IQSEC1: variants seen among roughly 807,000 people sequenced by gnomAD.
IQSEC1 encodes IQ motif and SEC7 domain-containing protein 1.
IQSEC1 carries 31 observed loss-of-function variants against 91.0 expected under a neutral mutation model. That is an observed-to-expected ratio of 0.34 (90% CI 0.26 to 0.46). The LOEUF is 0.46. Among genes scored for constraint, IQSEC1 ranks in the 20% least tolerant of loss-of-function variants. The pLI, the probability that IQSEC1 is intolerant of heterozygous loss-of-function variation, is 1.00. For missense variants in IQSEC1, 1,388 were observed against 1,575.6 expected (o/e 0.88, Z 2.02); for synonymous variants, 699 against 662.6 (o/e 1.05, Z -0.84).
At chr3:13,148,876 C>A (rs542191647) in intron 2 of IQSEC1, among the ~76,000 whole-genome samples, 1 of 152,268 alleles carries the variant, frequency 6.6e-6, no homozygotes, top group Admixed American at 6.5e-5. Flanking sequence ...CAGGGGCTGG[C>A]GAGACCCCCT....
intron 1 of IQSEC1, among the ~76,000 whole-genome samples, chr3:13,276,128 A>G (rs568663074): frequency 1.5e-4 from 17 of 111,572 alleles, no homozygotes; most frequent in African/African-American, 5.5e-4. Flanking sequence ...TTGCTCTGTC[A>G]CTCAGGCTGG....
At chr3:13,270,724 A>C (rs891467579) in intron 1 of IQSEC1, among the ~76,000 whole-genome samples, 3 of 152,252 alleles carry the variant, frequency 2.0e-5, no homozygotes, top group Admixed American at 6.5e-5. Context: ...TAATGGAGGA[A>C]TATAGGAAGA....
intron 9 of IQSEC1, 122 bp downstream of exon 9, chr3:12,913,306 G>T: frequency 9.3e-7 from 1 of 1,078,116 alleles, no homozygotes; most frequent in Non-Finnish European, 1.3e-6. Context: ...AAAGACACCA[G>T]GCAAACCCTC....
At chr3:13,014,058 C>A (rs753622975) in intron 1 of IQSEC1, among the ~76,000 whole-genome samples, 1 of 152,146 alleles carries the variant, frequency 6.6e-6, no homozygotes, top group African/African-American at 2.4e-5. Flanking sequence ...TGAGCCCTGG[C>A]GCCCAACAAA....
At position 12,900,347 on chromosome 3, in the gene IQSEC1, C is replaced by CTAAGGTACTGTCTTCCTATTAG. The variant is rs1694109667; in HGVS notation, c.*614_*635dup. On this transcript the variant is annotated 3_prime_UTR_variant, in exon 14 of 14. Coordinates refer to ENST00000613206, the MANE Select transcript of IQSEC1 (RefSeq NM_001134382.3). The stretch of plus-strand genomic sequence containing the variant: ...TTGGTCTATTGTCTCACACACCCAG[C>CTAAGGTACTGTCTTCCTATTAG]TAAGGTACTGTCTTCCTATTAGGTA... 1.0e-6 allele frequency: 1 copy of CTAAGGTACTGTCTTCCTATTAG among 984,776 alleles called. No homozygotes were observed. Among genetic ancestry groups the CTAAGGTACTGTCTTCCTATTAG allele is most frequent in the Non-Finnish European group, 1.2e-6 (1 of 829,738 alleles). 61.0% of individuals were successfully genotyped at this position (984,776 alleles called of 1,614,324 possible).
intron 1 of IQSEC1, among the ~76,000 whole-genome samples, chr3:13,237,433 G>A (rs1010772343): frequency 6.6e-5 from 10 of 152,214 alleles, no homozygotes; most frequent in Admixed American, 6.5e-4. Flanking sequence ...GTTTCTTCCA[G>A]TGATCTTTAT....
At chr3:13,224,761 C>A (rs1694722719) in intron 1 of IQSEC1, among the ~76,000 whole-genome samples, 1 of 152,256 alleles carries the variant, frequency 6.6e-6, no homozygotes, top group Admixed American at 6.5e-5. Context: ...TTGTCAATCC[C>A]CCCGCCAACT....
chr3:13,064,512 C>T (rs1469829054), intron 1 of IQSEC1, among the ~76,000 whole-genome samples: 2 of 152,182 alleles, frequency 1.3e-5, no homozygotes, highest in Non-Finnish European at 2.9e-5. Context: ...CCTGCCTGGT[C>T]GTGTGACAGC....
At chr3:13,225,884 T>C (rs1029454603) in intron 1 of IQSEC1, among the ~76,000 whole-genome samples, 7 of 151,998 alleles carry the variant, frequency 4.6e-5, no homozygotes, top group Non-Finnish European at 8.8e-5. Context: ...ATCAATTTTT[T>C]TTTTTCTTTT....
intron 1 of IQSEC1, among the ~76,000 whole-genome samples, chr3:13,025,285 G>A (rs538320232): frequency 1.3e-5 from 2 of 152,246 alleles, no homozygotes; most frequent in Admixed American, 6.5e-5. Context: ...GAACTGGCTC[G>A]CCCTCCAACC....
Position 12,983,723 on chromosome 3 carries a change from A to C in IQSEC1, c.24-41858T>G, listed in dbSNP as rs1701583876. On this transcript the variant is annotated intron_variant, in intron 1 of 13. Coordinates refer to ENST00000613206, the MANE Select transcript of IQSEC1 (RefSeq NM_001134382.3). The surrounding 1 kb of genome is among the most constrained non-coding windows in gnomAD (Gnocchi z 4.3). ...ACCTGGGCGATGCTGTTCAGAGGAC[A>C]ATTTCCCTTTCCCTCTCCCCTCTGG... 6.6e-6 allele frequency among the ~76,000 whole-genome samples: 1 copy of C among 152,164 alleles called. No individual in the cohort carries two copies. Among genetic ancestry groups the C allele is most frequent in the African/African-American group, 2.4e-5 (1 of 41,430 alleles).
intron 1 of IQSEC1, among the ~76,000 whole-genome samples, chr3:13,224,003 T>G (rs1004710411): frequency 3.9e-5 from 6 of 152,142 alleles, no homozygotes; most frequent in African/African-American, 1.4e-4. Context: ...GAGTCCTCCC[T>G]CAGCCCCAGA....
In IQSEC1 at chr3:12,900,310, A is replaced by G. The variant is rs903565925; in HGVS notation, c.*673T>C. 5.1e-6 allele frequency: 5 copies of G among 984,750 alleles called. No individual in the cohort carries two copies. In the African/African-American group the frequency reaches 8.7e-5, roughly 17 times the overall value. The allele number at this position is 984,750 out of a possible 1,614,324, so 61.0% of individuals were successfully genotyped here. ...ATATGAAGTATCTGAATTTGTTCCTAGCATTTAGGGTTTGGTCTATTGTCT... is the reference window on the plus strand; with the variant it reads ...ATATGAAGTATCTGAATTTGTTCCTGGCATTTAGGGTTTGGTCTATTGTCT... On this transcript the variant is annotated 3_prime_UTR_variant, in exon 14 of 14. Coordinates refer to ENST00000613206, the MANE Select transcript of IQSEC1 (RefSeq NM_001134382.3).
At chr3:13,037,970 A>G (rs1193495923) in intron 1 of IQSEC1, among the ~76,000 whole-genome samples, 1 of 152,048 alleles carries the variant, frequency 6.6e-6, no homozygotes, top group Non-Finnish European at 1.5e-5. Context: ...AATGCCACTG[A>G]ATTGTACAAT....
At chr3:13,071,158 T>G (rs936593448) in intron 1 of IQSEC1, among the ~76,000 whole-genome samples, 7 of 119,620 alleles carry the variant, frequency 5.9e-5, no homozygotes, top group Non-Finnish European at 9.0e-5. Context: ...TTTTTGTTTT[T>G]TTTTTTTTGT....
Position 12,899,165 on chromosome 3 carries a change from G to C in IQSEC1, c.*1818C>G, listed in dbSNP as rs1693955171. On this transcript the variant is annotated 3_prime_UTR_variant, in exon 14 of 14. Coordinates refer to ENST00000613206, the MANE Select transcript of IQSEC1 (RefSeq NM_001134382.3). ...ATCTCAATGATATGACCGAGGGTGG[G>C]AGGGATGTGAGGAGGGAAATCGGCA... 1 of 582,336 alleles carries C rather than the reference G, an allele frequency of 1.7e-6. No individual in the cohort carries two copies. The highest frequency in any genetic ancestry group is 3.1e-6 in the Non-Finnish European group (1 of 323,850). 36.1% of individuals were successfully genotyped at this position (582,336 alleles called of 1,614,324 possible).
At chr3:13,033,256 C>T (rs1163540662) in intron 1 of IQSEC1, among the ~76,000 whole-genome samples, 8 of 152,282 alleles carry the variant, frequency 5.3e-5, no homozygotes, top group Middle Eastern at 3.4e-3. Flanking sequence ...GACAGGTCCT[C>T]GTACCCACTT....
In IQSEC1 at chr3:13,189,721, G is replaced by A. The variant is rs73031407; in HGVS notation, c.273-25588C>T. ...GCTCCACCCCTGAGCTTCCTGCCTCGCCACTCTACCCTGCTGTTCCCTCTG... is the reference window on the plus strand; with the variant it reads ...GCTCCACCCCTGAGCTTCCTGCCTCACCACTCTACCCTGCTGTTCCCTCTG... On this transcript the variant is annotated intron_variant, in intron 1 of 15. Transcript: ENST00000648114. Among the ~76,000 whole-genome samples the A allele has an allele frequency of 8.8e-3, 1,340 of 152,162 alleles. 16 individuals are homozygous for A. The highest frequency in any genetic ancestry group is 0.015 in the Non-Finnish European group (1,044 of 68,006).
Position 12,903,353 on chromosome 3 carries a change from C to T in IQSEC1, c.2756-531G>A, listed in dbSNP as rs373955458. ...AGCACTGAGGGTGAAGAGGAAACAA[C>T]TTCACATCCCCGCTTCCTCCCAGCT... On this transcript the variant is annotated intron_variant, in intron 12 of 13. Transcript: ENST00000613206. 5.3e-5 allele frequency among the ~76,000 whole-genome samples: 8 copies of T among 151,872 alleles called. 1 individual carries two copies. In the East Asian group the frequency reaches 1.6e-3, roughly 30 times the overall value.
Sources: gnomAD v4.1 joint callset for allele counts (sites outside exome capture counted in the v4.1 genomes callset) on GRCh38, gnomAD v4.1.1 for gene constraint, Gnocchi (gnomAD v3.1) non-coding constraint, MANE v1.5 for transcripts, NCBI Gene and HGNC (gene_info 2026-07-23, HGNC 2026-07-21) for gene names.